The following CAPZA3 variants were observed in gnomAD, a reference collection of about 807,000 sequenced individuals.
The protein encoded by CAPZA3 is capping actin protein of muscle Z-line subunit alpha 3, also known as F-actin-capping protein subunit alpha-3.
Under a neutral mutation model 23.6 loss-of-function variants are expected in CAPZA3, and 22 were observed. That is an observed-to-expected ratio of 0.93 (90% CI 0.67 to 1.33). The LOEUF (loss-of-function observed/expected upper bound fraction) is 1.33, where lower values mean the gene tolerates loss of function less well. Ranked by LOEUF, CAPZA3 falls within the 40% of genes most tolerant of loss-of-function variation. The probability of loss-of-function intolerance (pLI) is 0.00; values close to 1 mark genes in which losing one functional copy is unlikely to be tolerated. For missense variants in CAPZA3, 357 were observed against 345.9 expected, an observed-to-expected ratio of 1.03 and a Z score of -0.25; for synonymous variants, 142 against 126.5, an observed-to-expected ratio of 1.12 and a Z score of -0.82.
In CAPZA3 at chr12:18,738,321, T is replaced by C; in HGVS notation, c.53T>C (p.Leu18Pro). 6.2e-7 allele frequency: 1 copy of C among 1,613,986 alleles called. No individual in the cohort carries two copies. The highest frequency in any genetic ancestry group is 8.5e-7 in the Non-Finnish European group (1 of 1,179,902). The change falls in exon 1 of 1, where the codon CTG (leucine) becomes CCG (proline). Residue 18 changes from leucine (L) to proline (P), a missense_variant. Leu to Pro is a moderately conservative substitution (Grantham distance 98). Transcript: ENST00000317658. ...RKDKERVIRR[L>P]LLQAPPGEFV... is the part of the protein sequence containing the mutation. The stretch of plus-strand genomic sequence containing the variant: ...GACAAGGAAAGAGTAATTCGCAGAC[T>C]GTTATTACAGGCCCCTCCAGGGGAA...
In CAPZA3 at chr12:18,739,003, G is replaced by C; in HGVS notation, c.735G>C (p.Gln245His). The C allele has an allele frequency of 6.2e-7, 1 of 1,612,480 alleles. No individual in the cohort carries two copies. The highest frequency in any genetic ancestry group is 8.5e-7 in the Non-Finnish European group (1 of 1,179,936). ...KFQAAVLEEL[Q>H]ELSNEALRKI... ...AAGCTGCAGTCTTGGAAGAATTACA[G>C]GAGTTATCCAATGAAGCCCTGAGAA... Residue 245 changes from glutamine (Q) to histidine (H), a missense_variant, in exon 1 of 1, where the codon CAG (glutamine) becomes CAC (histidine). Coordinates refer to ENST00000317658, the MANE Select transcript of CAPZA3 (RefSeq NM_033328.3).
Position 18,738,948 on chromosome 12 carries a change from G to A in CAPZA3, c.680G>A (p.Arg227Lys). 1 of 1,613,804 alleles carries A rather than the reference G, an allele frequency of 6.2e-7. No homozygotes were observed. The highest frequency in any genetic ancestry group is 8.5e-7 in the Non-Finnish European group (1 of 1,179,974). ...NQAQLALSFA[R>K]LVEEQENKFQ... ...GCTCAACTGGCTCTAAGTTTTGCAAGGCTTGTGGAAGAGCAAGAGAACAAA... is the reference window on the plus strand; with the variant it reads ...GCTCAACTGGCTCTAAGTTTTGCAAAGCTTGTGGAAGAGCAAGAGAACAAA... Residue 227 changes from arginine to lysine, a missense_variant, in exon 1 of 1, where the codon AGG becomes AAG. Coordinates refer to ENST00000317658, the MANE Select transcript of CAPZA3 (RefSeq NM_033328.3).
In CAPZA3 at chr12:18,739,007, T is replaced by C. The variant is rs775598852; in HGVS notation, c.739T>C (p.Leu247=). 6 of 1,612,180 alleles carry C rather than the reference T, an allele frequency of 3.7e-6. No homozygotes were observed. Among genetic ancestry groups the C allele is most frequent in the Non-Finnish European group, 4.2e-6 (5 of 1,179,878 alleles). The change falls in exon 1 of 1, where the codon TTA becomes CTA. Residue 247 remains leucine (L), a synonymous_variant. Coordinates refer to ENST00000317658, the MANE Select transcript of CAPZA3 (RefSeq NM_033328.3). ...TGCAGTCTTGGAAGAATTACAGGAG[T>C]TATCCAATGAAGCCCTGAGAAAAAT... ...QAAVLEELQE[L]SNEALRKILR...
Position 18,738,936 on chromosome 12 carries a change from T to A in CAPZA3, c.668T>A (p.Leu223Gln). 1 of 1,613,976 alleles carries A rather than the reference T, an allele frequency of 6.2e-7. No homozygotes were observed. Among genetic ancestry groups the A allele is most frequent in the Non-Finnish European group, 8.5e-7 (1 of 1,179,970 alleles). ...LEIVNQAQLA[L>Q]SFARLVEEQE... The stretch of plus-strand genomic sequence containing the variant: ...ATAGTTAACCAAGCTCAACTGGCTC[T>A]AAGTTTTGCAAGGCTTGTGGAAGAG... Residue 223 changes from leucine (L) to glutamine (Q), a missense_variant, in exon 1 of 1, where the codon CTA becomes CAA. Leu to Gln is a moderately radical substitution (Grantham distance 113). Coordinates refer to ENST00000317658, the MANE Select transcript of CAPZA3 (RefSeq NM_033328.3).
rs759136702 is a variant in CAPZA3 at position 18,738,537 on chromosome 12, T to A, written c.269T>A (p.Leu90His). ...DYRFFDHQSKLSFKYDLLQNQ... is the reference protein window; with the variant it reads ...DYRFFDHQSKHSFKYDLLQNQ... Reference sequence around the variant, plus strand: ...CGATTTTTTGACCATCAAAGCAAACTTTCTTTCAAATATGACCTGCTTCAA... The same window carrying A: ...CGATTTTTTGACCATCAAAGCAAACATTCTTTCAAATATGACCTGCTTCAA... The change falls in exon 1 of 1, where the codon CTT becomes CAT. Residue 90 changes from leucine to histidine, a missense_variant. Transcript: ENST00000317658. 4.3e-6 allele frequency: 7 copies of A among 1,614,098 alleles called. No homozygotes were observed. In the South Asian group the frequency reaches 7.7e-5, roughly 18 times the overall value.
chr12:18,738,667 T>A lies in CAPZA3; in HGVS notation c.399T>A (p.Tyr133Ter). The change falls in exon 1 of 1, where the codon TAT (tyrosine) becomes TAA (stop). Residue 133 changes from tyrosine to a stop codon, truncating the protein, a stop_gained. Transcript: ENST00000317658. LOFTEE classifies it high-confidence loss of function. ...TAAAACTGTATGTGAATGACCACTATCCAAAAGGAAATTGCAACATGCTGA... is the reference window on the plus strand; with the variant it reads ...TAAAACTGTATGTGAATGACCACTAACCAAAAGGAAATTGCAACATGCTGA... ...CALKLYVNDH[Y>*]PKGNCNMLRK... 4 of 1,614,042 alleles carry A rather than the reference T, an allele frequency of 2.5e-6. No individual in the cohort carries two copies. The highest frequency in any genetic ancestry group is 3.4e-6 in the Non-Finnish European group (4 of 1,179,974).
rs1294315998 is a variant in CAPZA3 at position 18,738,277 on chromosome 12, T to C, written c.9T>C (p.Leu3=). 3 of 1,605,156 alleles carry C rather than the reference T, an allele frequency of 1.9e-6. No individual in the cohort carries two copies. The highest frequency in any genetic ancestry group is 2.7e-5 in the African/African-American group (2 of 74,690). The change falls in exon 1 of 1, where the codon CTT becomes CTC. Residue 3 remains leucine (L), a synonymous_variant. Transcript: ENST00000317658. The stretch of plus-strand genomic sequence containing the variant: ...TTCTGTTGCAACCAAACATGACACT[T>C]AGCGTGCTGAGCAGGAAGGACAAGG... The part of the protein sequence containing the change: MT[L]SVLSRKDKER...
In CAPZA3 at chr12:18,738,670, A is replaced by G. The variant is rs371563189; in HGVS notation, c.402A>G (p.Pro134=). The G allele has an allele frequency of 1.9e-6, 3 of 1,614,104 alleles. No individual in the cohort carries two copies. Among genetic ancestry groups the G allele is most frequent in the Non-Finnish European group, 2.5e-6 (3 of 1,179,984 alleles). The change falls in exon 1 of 1, where the codon CCA becomes CCG. Residue 134 remains proline (P), a synonymous_variant. Coordinates refer to ENST00000317658, the MANE Select transcript of CAPZA3 (RefSeq NM_033328.3). ...ALKLYVNDHY[P]KGNCNMLRKT... ...AACTGTATGTGAATGACCACTATCC[A>G]AAAGGAAATTGCAACATGCTGAGAA...
rs748554082 is a variant in CAPZA3 at position 18,738,621 on chromosome 12, G to A, written c.353G>A (p.Arg118Lys). 4 of 1,614,036 alleles carry A rather than the reference G, an allele frequency of 2.5e-6. No individual in the cohort carries two copies. In the Admixed American group the frequency reaches 6.7e-5, roughly 27 times the overall value. The part of the protein sequence containing the change: ...GIIQNEAEYL[R>K]VVLLCALKLY... ...ATTCAGAATGAGGCAGAATACCTGA[G>A]AGTTGTTCTTCTGTGCGCCTTAAAA... Residue 118 changes from arginine to lysine, a missense_variant, in exon 1 of 1, where the codon AGA becomes AAA. Physicochemically the swap from Arg to Lys is conservative, Grantham distance 26. Coordinates refer to ENST00000317658, the MANE Select transcript of CAPZA3 (RefSeq NM_033328.3).
Position 18,738,314 on chromosome 12 carries a change from C to T in CAPZA3, c.46C>T (p.Arg16Cys), listed in dbSNP as rs777052411. The T allele has an allele frequency of 3.1e-6, 5 of 1,613,634 alleles. No homozygotes were observed. The highest frequency in any genetic ancestry group is 2.2e-5 in the South Asian group (2 of 91,020). The change falls in exon 1 of 1, where the codon CGC becomes TGC. Residue 16 changes from arginine to cysteine, a missense_variant. Physicochemically the swap from Arg to Cys is radical, Grantham distance 180. Transcript: ENST00000317658. ...CAGGAAGGACAAGGAAAGAGTAATT[C>T]GCAGACTGTTATTACAGGCCCCTCC... ...LSRKDKERVIRRLLLQAPPGE... is the reference protein window; with the variant it reads ...LSRKDKERVICRLLLQAPPGE...
Position 18,738,733 on chromosome 12 carries a change from T to G in CAPZA3, c.465T>G (p.Ile155Met), listed in dbSNP as rs922984227. The change falls in exon 1 of 1, where the codon ATT (isoleucine) becomes ATG (methionine). Residue 155 changes from isoleucine (I) to methionine (M), a missense_variant. Physicochemically the swap from Ile to Met is conservative, Grantham distance 10. Coordinates refer to ENST00000317658, the MANE Select transcript of CAPZA3 (RefSeq NM_033328.3). ...GTAAGGAGTACTTGATAGCTTGCAT[T>G]GAAGATCACAACTATGAAACAGGAG... ...VKSKEYLIAC[I>M]EDHNYETGEC... 3.1e-6 allele frequency: 5 copies of G among 1,613,928 alleles called. No individual in the cohort carries two copies. The African/African-American group carries it at 6.7e-5, about 22-fold the overall frequency.
chr12:18,738,579 T>C lies in CAPZA3; in HGVS notation c.311T>C (p.Ile104Thr). 6.2e-7 allele frequency: 1 copy of C among 1,614,108 alleles called. No individual in the cohort carries two copies. The highest frequency in any genetic ancestry group is 8.5e-7 in the Non-Finnish European group (1 of 1,179,988). The change falls in exon 1 of 1, where the codon ATC becomes ACC. Residue 104 changes from isoleucine to threonine, a missense_variant. Ile to Thr is a moderately conservative substitution (Grantham distance 89). Coordinates refer to ENST00000317658, the MANE Select transcript of CAPZA3 (RefSeq NM_033328.3). ...CTGCTTCAAAATCAGCTGAAAGACA[T>C]CCAAAGTCATGGTATCATTCAGAAT... Reference protein sequence around the residue: ...YDLLQNQLKDIQSHGIIQNEA... With the variant: ...YDLLQNQLKDTQSHGIIQNEA...
Position 18,738,210 on chromosome 12 carries a change from G to T in CAPZA3, c.-59G>T. The T allele has an allele frequency of 2.7e-6, 4 of 1,465,170 alleles. No homozygotes were observed. Among genetic ancestry groups the T allele is most frequent in the Non-Finnish European group, 3.7e-6 (4 of 1,084,388 alleles). 90.8% of individuals were successfully genotyped at this position (1,465,170 alleles called of 1,614,324 possible). A position where few individuals can be genotyped will look rare whatever the true frequency, so the allele number is the denominator to read the frequency against. On this transcript the variant is annotated 5_prime_UTR_variant, in exon 1 of 1. It removes an upstream start codon present in the reference 5' UTR. Coordinates refer to ENST00000317658, the MANE Select transcript of CAPZA3 (RefSeq NM_033328.3). ...TGATGGGAAAGGTGGCTCATGGAAT[G>T]TTTTCTTATCCTTTGAACACTCCTC...
rs749122388 is a variant in CAPZA3, at chr12:18,738,638, G to A, written c.370G>A (p.Ala124Thr). ...ATACCTGAGAGTTGTTCTTCTGTGC[G>A]CCTTAAAACTGTATGTGAATGACCA... Reference protein sequence around the residue: ...AEYLRVVLLCALKLYVNDHYP... With the variant: ...AEYLRVVLLCTLKLYVNDHYP... The change falls in exon 1 of 1, where the codon GCC (alanine) becomes ACC (threonine). Residue 124 changes from alanine to threonine, a missense_variant. Coordinates refer to ENST00000317658, the MANE Select transcript of CAPZA3 (RefSeq NM_033328.3). The A allele has an allele frequency of 6.3e-5, 101 of 1,613,902 alleles. No individual in the cohort carries two copies. Among genetic ancestry groups the A allele is most frequent in the Non-Finnish European group, 7.3e-5 (86 of 1,179,994 alleles).
In CAPZA3 at chr12:18,738,156, A is replaced by G; in HGVS notation, c.-113A>G. On this transcript the variant is annotated 5_prime_UTR_variant, in exon 1 of 1. In the 5' UTR this introduces an upstream ATG that the reference lacks. Coordinates refer to ENST00000317658, the MANE Select transcript of CAPZA3 (RefSeq NM_033328.3). ...ACTGCCTGCTTTCATGGATAGACAT[A>G]AAAACCTTCAGCTTGAATGTTAACA... 1 of 1,028,702 alleles carries G rather than the reference A, an allele frequency of 9.7e-7. No individual in the cohort carries two copies. 63.7% of individuals were successfully genotyped at this position (1,028,702 alleles called of 1,614,324 possible). A position where few individuals can be genotyped will look rare whatever the true frequency, so the allele number is the denominator to read the frequency against.
At position 18,738,297 on chromosome 12, in the gene CAPZA3, A is replaced by T; in HGVS notation, c.29A>T (p.Asp10Val). 1 of 1,612,764 alleles carries T rather than the reference A, an allele frequency of 6.2e-7. No individual in the cohort carries two copies. The highest frequency in any genetic ancestry group is 8.5e-7 in the Non-Finnish European group (1 of 1,179,276). MTLSVLSRKDKERVIRRLLL... is the reference protein window; with the variant it reads MTLSVLSRKVKERVIRRLLL... ...ACACTTAGCGTGCTGAGCAGGAAGG[A>T]CAAGGAAAGAGTAATTCGCAGACTG... is the stretch of plus-strand genomic sequence containing the variant. Residue 10 changes from aspartate to valine, a missense_variant, in exon 1 of 1, where the codon GAC becomes GTC. Coordinates refer to ENST00000317658, the MANE Select transcript of CAPZA3 (RefSeq NM_033328.3).
rs770419225 is a variant in CAPZA3 at position 18,738,464 on chromosome 12, G to A, written c.196G>A (p.Asp66Asn). 1.5e-5 allele frequency: 25 copies of A among 1,614,002 alleles called. No homozygotes were observed. Among genetic ancestry groups the A allele is most frequent in the Middle Eastern group, 1.6e-4 (1 of 6,084 alleles). ...CQKYSVPLCI[D>N]GNPVLLSHHN... ...AAAATATTCTGTACCACTCTGCATCGATGGAAATCCAGTACTCTTGTCTCA... is the reference window on the plus strand; with the variant it reads ...AAAATATTCTGTACCACTCTGCATCAATGGAAATCCAGTACTCTTGTCTCA... Residue 66 changes from aspartate (D) to asparagine (N), a missense_variant, in exon 1 of 1, where the codon GAT (aspartate) becomes AAT (asparagine). Asp to Asn is a conservative substitution (Grantham distance 23, BLOSUM62 1). Coordinates refer to ENST00000317658, the MANE Select transcript of CAPZA3 (RefSeq NM_033328.3).
Position 18,739,025 on chromosome 12 carries a change from A to T in CAPZA3, c.757A>T (p.Arg253Ter). 6.2e-7 allele frequency: 1 copy of T among 1,612,178 alleles called. No individual in the cohort carries two copies. The highest frequency in any genetic ancestry group is 8.5e-7 in the Non-Finnish European group (1 of 1,179,946). ...ELQELSNEAL[R>*]KILRRDLPVT... ...ACAGGAGTTATCCAATGAAGCCCTG[A>T]GAAAAATTCTACGAAGGGATCTTCC... Residue 253 changes from arginine to a stop codon, truncating the protein, a stop_gained, in exon 1 of 1, where the codon AGA becomes TGA. Transcript: ENST00000317658. LOFTEE classifies it high-confidence loss of function.
chr12:18,738,501 TG>T lies in CAPZA3; in HGVS notation c.236del (p.Gly79AlafsTer23). 1.9e-6 allele frequency: 3 copies of T among 1,614,088 alleles called. No individual in the cohort carries two copies. The highest frequency in any genetic ancestry group is 2.5e-6 in the Non-Finnish European group (3 of 1,180,000). On this transcript the variant is annotated frameshift_variant, in exon 1 of 1. Transcript: ENST00000317658. LOFTEE classifies it high-confidence loss of function. ...NPVLLSHHNVMGDYRFFDHQS... is the reference protein window; with the variant it reads ...NPVLLSHHNVXGDYRFFDHQS... ...GTACTCTTGTCTCACCACAATGTAATGGGCGACTACCGATTTTTTGACCATC... is the reference window on the plus strand; with the variant it reads ...GTACTCTTGTCTCACCACAATGTAATGGCGACTACCGATTTTTTGACCATC...
Sources: gnomAD v4.1 joint callset for allele counts on GRCh38, gnomAD v4.1.1 for gene constraint, MANE v1.5 for transcripts, NCBI Gene and HGNC (gene_info 2026-07-23, HGNC 2026-07-21) for gene names.